Variants in ATXN7L2 observed in about 807,000 individuals in gnomAD.
The protein encoded by ATXN7L2 is ataxin-7-like protein 2.
ATXN7L2 carries 17 observed loss-of-function variants against 59.6 expected under a neutral mutation model. The observed-to-expected ratio is 0.29, with a 90% CI of 0.20 to 0.43. The LOEUF is 0.43. Among genes scored for constraint, ATXN7L2 ranks in the 20% least tolerant of loss-of-function variants. The pLI, the probability that ATXN7L2 is intolerant of heterozygous loss-of-function variation, is 1.00. For synonymous variants in ATXN7L2, 378 were observed against 392.5 expected (o/e 0.96, Z 0.44); for missense variants, 858 against 1,008.9 (o/e 0.85, Z 2.03).
chr1:109,491,513 A>G lies in ATXN7L2; in HGVS notation c.2046A>G (p.Ala682=). 3 of 1,613,976 alleles carry G rather than the reference A, an allele frequency of 1.9e-6. No homozygotes were observed. Among genetic ancestry groups the G allele is most frequent in the Non-Finnish European group, 2.5e-6 (3 of 1,180,016 alleles). Residue 682 remains alanine, a synonymous_variant, in exon 10 of 11, where the codon GCA becomes GCG. Coordinates refer to ENST00000683729, the MANE Select transcript of ATXN7L2 (RefSeq NM_001350175.2). This position sits in a 1 kb window ranked among gnomAD's most constrained non-coding sequence, Gnocchi z 4.1. ...VKASQLENRG[A]AGHPAKALPT... ...CTTCTCAGCTGGAGAACCGGGGAGC[A>G]GCTGGACACCCAGCCAAGGCCCTGC...
In ATXN7L2 at chr1:109,486,462, C is replaced by G. The variant is rs1656589818; in HGVS notation, c.194-44C>G. 1.3e-6 allele frequency: 2 copies of G among 1,528,892 alleles called. No homozygotes were observed. The highest frequency in any genetic ancestry group is 1.4e-5 in the African/African-American group (1 of 73,050). 94.7% of individuals were successfully genotyped at this position (1,528,892 alleles called of 1,614,324 possible). ...GTGCTCTCCGATCTTCCAGAGAAAC[C>G]CTGGGATCTTCAGCCCCAGTGACAT... On this transcript the variant is annotated intron_variant, in intron 2 of 10. Transcript: ENST00000683729. The surrounding 1 kb of genome is among the most constrained non-coding windows in gnomAD (Gnocchi z 4.3).
At chr1:109,489,729 C>G (rs1656882887) in intron 7 of ATXN7L2, 4 of 609,890 alleles carry the variant, frequency 6.6e-6, no homozygotes, top group Non-Finnish European at 1.1e-5. Context: ...GGGAGAGAAT[C>G]CCTTGGGAGC....
chr1:109,490,301 C>A lies in ATXN7L2; in HGVS notation c.1363C>A (p.Pro455Thr). ...CACCTTTGGGAGCCGGCTGGTGAGCCCAGGATGCTATGTGTTTAGCCGCCG... is the reference window on the plus strand; with the variant it reads ...CACCTTTGGGAGCCGGCTGGTGAGCACAGGATGCTATGTGTTTAGCCGCCG... ...FCTFGSRLVS[P>T]GCYVFSRRLD... The change falls in exon 9 of 11, where the codon CCA (proline) becomes ACA (threonine). Residue 455 changes from proline (P) to threonine (T), a missense_variant. Pro to Thr is a conservative substitution (Grantham distance 38). Around this residue, in one of 3 missense-constraint regions of ATXN7L2, gnomAD observed 734 missense variants for 862.3 expected, o/e 0.85. Coordinates refer to ENST00000683729, the MANE Select transcript of ATXN7L2 (RefSeq NM_001350175.2). 6.2e-7 allele frequency: 1 copy of A among 1,613,956 alleles called. No homozygotes were observed. Among genetic ancestry groups the A allele is most frequent in the Non-Finnish European group, 8.5e-7 (1 of 1,180,014 alleles).
At position 109,486,427 on chromosome 1, in the gene ATXN7L2, T is replaced by C. The variant is rs1395184860; in HGVS notation, c.194-79T>C. ...GGGGAGGTGAAGTGCCTTCTGAGTG[T>C]GGGGTGGGAGTGCTCTCCGATCTTC... On this transcript the variant is annotated intron_variant, in intron 2 of 10. Transcript: ENST00000683729. This position sits in a 1 kb window ranked among gnomAD's most constrained non-coding sequence, Gnocchi z 4.3. The C allele has an allele frequency of 8.1e-7, 1 of 1,230,068 alleles. No homozygotes were observed. The highest frequency in any genetic ancestry group is 1.2e-6 in the Non-Finnish European group (1 of 861,036). 76.2% of individuals were successfully genotyped at this position (1,230,068 alleles called of 1,614,324 possible).
chr1:109,490,345 A>C lies in ATXN7L2; in HGVS notation c.1407A>C (p.Ser469=). 1 of 1,613,912 alleles carries C rather than the reference A, an allele frequency of 6.2e-7. No individual in the cohort carries two copies. Among genetic ancestry groups the C allele is most frequent in the Non-Finnish European group, 8.5e-7 (1 of 1,180,006 alleles). ...VFSRRLDRFC[S]ALSSMLERHL... is the part of the protein sequence containing the mutation. Reference sequence around the variant, plus strand: ...GCCGCCGGCTGGACCGGTTCTGCTCAGCACTCAGCTCCATGCTGGAACGGC... The same window carrying C: ...GCCGCCGGCTGGACCGGTTCTGCTCCGCACTCAGCTCCATGCTGGAACGGC... Residue 469 remains serine, a synonymous_variant, in exon 9 of 11, where the codon TCA becomes TCC. Transcript: ENST00000683729.
chr1:109,486,737 G>A lies in ATXN7L2; in HGVS notation c.298+127G>A, dbSNP rs1309663732. 4 of 858,904 alleles carry A rather than the reference G, an allele frequency of 4.7e-6. No individual in the cohort carries two copies. Among genetic ancestry groups the A allele is most frequent in the Non-Finnish European group, 7.2e-6 (4 of 556,474 alleles). The allele number at this position is 858,904 out of a possible 1,614,324, so 53.2% of individuals were successfully genotyped here. The stretch of plus-strand genomic sequence containing the variant: ...GGTGTTGAGGATAGGAAGGTTGTGG[G>A]GGTGGCTTCAGAGCATTGTGGGGAG... On this transcript the variant is annotated intron_variant, in intron 3 of 10. Transcript: ENST00000683729. This position sits in a 1 kb window ranked among gnomAD's most constrained non-coding sequence, Gnocchi z 4.3.
At chr1:109,485,943 C>T (rs2101023016) in intron 1 of ATXN7L2, 114 bp from the exon 2 acceptor site, 1 of 1,370,972 alleles carries the variant, frequency 7.3e-7, no homozygotes, top group Non-Finnish European at 9.5e-7. Context: ...CTTGGGGCTT[C>T]TGGAAAGGGG....
intron 1 of ATXN7L2, chr1:109,485,463 A>G (rs1218767619): frequency 2.0e-6 from 2 of 985,456 alleles, no homozygotes; most frequent in South Asian, 4.7e-5. Flanking sequence ...TGACCATCCT[A>G]TCAGTGCAGG....
downstream of ATXN7L2, chr1:109,492,741 C>T: frequency 1.1e-6 from 1 of 943,512 alleles, no homozygotes; most frequent in Non-Finnish European, 1.6e-6. Context: ...TCAAGACTGT[C>T]TCCCTGTTCT....
intron 1 of ATXN7L2, among the ~76,000 whole-genome samples, chr1:109,485,079 A>G (rs898100946): frequency 2.6e-5 from 4 of 152,304 alleles, no homozygotes; most frequent in African/African-American, 9.6e-5. Context: ...TGGGCATCAG[A>G]GAGCAGACCT....
At chr1:109,487,387 CG>C in intron 4 of ATXN7L2, 130 bp from the exon 5 acceptor site, 1 of 1,192,410 alleles carries the variant, frequency 8.4e-7, no homozygotes, top group Non-Finnish European at 1.1e-6. Flanking sequence ...CTCCTCTTCC[CG>C]TGTTTCACAC....
chr1:109,487,089 T>G lies in ATXN7L2; in HGVS notation c.381T>G (p.His127Gln), dbSNP rs147848834. The G allele has an allele frequency of 1.9e-6, 3 of 1,611,516 alleles. No homozygotes were observed. Among genetic ancestry groups the G allele is most frequent in the Non-Finnish European group, 2.5e-6 (3 of 1,178,952 alleles). Residue 127 changes from histidine to glutamine, a missense_variant, in exon 4 of 11, where the codon CAT (histidine) becomes CAG (glutamine). By Grantham distance (24) the His-to-Gln change is conservative (BLOSUM62 0). Transcript: ENST00000683729. ...PPAPASSQKC[H>Q]VVNGQGPACR... ...CCCCTGCCAGCTCTCAGAAATGCCA[T>G]GTAGTGAATGGGCAGGGCCCAGCTT...
At chr1:109,484,470 C>G (rs1227024874) in intron 1 of ATXN7L2, among the ~76,000 whole-genome samples, 2 of 146,560 alleles carry the variant, frequency 1.4e-5, no homozygotes, top group African/African-American at 5.0e-5. Context: ...CCCTTCCTCA[C>G]CCCCCTTGTT....
Position 109,491,696 on chromosome 1 carries a change from G to A in ATXN7L2, c.2229G>A (p.Glu743=). 2 of 1,605,388 alleles carry A rather than the reference G, an allele frequency of 1.2e-6. No homozygotes were observed. The highest frequency in any genetic ancestry group is 1.3e-5 in the African/African-American group (1 of 74,856). Residue 743 remains glutamate, a synonymous_variant, in exon 10 of 11, where the codon GAG becomes GAA. Coordinates refer to ENST00000683729, the MANE Select transcript of ATXN7L2 (RefSeq NM_001350175.2). This position sits in a 1 kb window ranked among gnomAD's most constrained non-coding sequence, Gnocchi z 4.1. The part of the protein sequence containing the change: ...RKKPGPALAF[E]EKCSTLKSKA... ...AGCCAGGCCCGGCCCTGGCCTTTGAGGAGAAGTGCTCTACACTGAAGGTAC... is the reference window on the plus strand; with the variant it reads ...AGCCAGGCCCGGCCCTGGCCTTTGAAGAGAAGTGCTCTACACTGAAGGTAC...
Position 109,486,280 on chromosome 1 carries a change from C to A in ATXN7L2, c.193+158C>A. 8.2e-7 allele frequency: 1 copy of A among 1,212,124 alleles called. No individual in the cohort carries two copies. Among genetic ancestry groups the A allele is most frequent in the African/African-American group, 1.5e-5 (1 of 64,924 alleles). 75.1% of individuals were successfully genotyped at this position (1,212,124 alleles called of 1,614,324 possible). ...GGCCGGTTGTTCTGGCTCCTGTGAC[C>A]TGTCGTTGGAGATCATAATCATAGG... On this transcript the variant is annotated intron_variant, in intron 2 of 10. Coordinates refer to ENST00000683729, the MANE Select transcript of ATXN7L2 (RefSeq NM_001350175.2). This position sits in a 1 kb window ranked among gnomAD's most constrained non-coding sequence, Gnocchi z 4.3.
chr1:109,487,032 G>T lies in ATXN7L2; in HGVS notation c.324G>T (p.Lys108Asn), dbSNP rs1423023190. ...HCERRHGPLS[K>N]LYGRAPPPPP... ...AAAGAAGACATGGGCCCCTCAGCAA[G>T]CTTTATGGCCGGGCCCCACCCCCAC... Residue 108 changes from lysine (K) to asparagine (N), a missense_variant, in exon 4 of 11, where the codon AAG (lysine) becomes AAT (asparagine). Transcript: ENST00000683729. 1 of 1,604,736 alleles carries T rather than the reference G, an allele frequency of 6.2e-7. No individual in the cohort carries two copies. Among genetic ancestry groups the T allele is most frequent in the South Asian group, 1.1e-5 (1 of 89,736 alleles).
At position 109,490,976 on chromosome 1, in the gene ATXN7L2, T is replaced by G; in HGVS notation, c.1509T>G (p.Ser503=). Residue 503 remains serine, a synonymous_variant, in exon 10 of 11, where the codon TCT becomes TCG. Transcript: ENST00000683729. Reference sequence around the variant, plus strand: ...CTCACCTTGTCAACTCCCCGTTATCTGCTCCCCTGAGCCCATCCTCTACAG... The same window carrying G: ...CTCACCTTGTCAACTCCCCGTTATCGGCTCCCCTGAGCCCATCCTCTACAG... ...PPAHLVNSPL[S]APLSPSSTGT... 1 of 1,599,976 alleles carries G rather than the reference T, an allele frequency of 6.3e-7. No homozygotes were observed.
rs1294993469 is a variant in ATXN7L2, at chr1:109,487,729, T to G, written c.721T>G (p.Trp241Gly). 1.2e-6 allele frequency: 2 copies of G among 1,613,282 alleles called. No individual in the cohort carries two copies. The highest frequency in any genetic ancestry group is 3.3e-5 in the Admixed American group (2 of 59,910). ...EIIPSEGSSH[W>G]AEGSPPEKEP... Reference sequence around the variant, plus strand: ...CATCCCCAGTGAGGGGTCCAGTCACTGGGCTGAAGGCAGCCCTCCTGAAAA... The same window carrying G: ...CATCCCCAGTGAGGGGTCCAGTCACGGGGCTGAAGGCAGCCCTCCTGAAAA... Residue 241 changes from tryptophan to glycine, a missense_variant, in exon 5 of 11, where the codon TGG (tryptophan) becomes GGG (glycine). Trp to Gly is a radical substitution (Grantham distance 184). Around this residue, in one of 3 missense-constraint regions of ATXN7L2, gnomAD observed 734 missense variants for 862.3 expected, o/e 0.85. Transcript: ENST00000683729.
In ATXN7L2 at chr1:109,487,563, G is replaced by A. The variant is rs772997212; in HGVS notation, c.555G>A (p.Pro185=). 2.6e-6 allele frequency: 4 copies of A among 1,521,934 alleles called. No individual in the cohort carries two copies. The highest frequency in any genetic ancestry group is 2.2e-5 in the Admixed American group (1 of 45,900). The allele number at this position is 1,521,934 out of a possible 1,614,324, so 94.3% of individuals were successfully genotyped here. ...ATCTGGAGAAGATGTCCAGTCTCCCGAAGCCTGATGGACATGGAATCAGGG... is the reference window on the plus strand; with the variant it reads ...ATCTGGAGAAGATGTCCAGTCTCCCAAAGCCTGATGGACATGGAATCAGGG... ...VVNLEKMSSL[P]KPDGHGIRVA... The change falls in exon 5 of 11, where the codon CCG becomes CCA. Residue 185 remains proline, a synonymous_variant. Coordinates refer to ENST00000683729, the MANE Select transcript of ATXN7L2 (RefSeq NM_001350175.2).
Sources: gnomAD v4.1 joint callset for allele counts (sites outside exome capture counted in the v4.1 genomes callset) on GRCh38, gnomAD v4.1.1 for gene constraint, gnomAD v4.1.1 regional missense constraint, Gnocchi (gnomAD v3.1) non-coding constraint, MANE v1.5 for transcripts, NCBI Gene and HGNC (gene_info 2026-07-23, HGNC 2026-07-21) for gene names.